The following ATP8A2 variants were observed in gnomAD, a reference collection of about 807,000 sequenced individuals.
ATP8A2 encodes ATPase phospholipid transporting 8A2.
In ATP8A2, 100 loss-of-function variants were observed where a neutral mutation model predicts 165.6. That is an observed-to-expected ratio of 0.60 (90% CI 0.51 to 0.71). The LOEUF is 0.71. Ranked by LOEUF, ATP8A2 falls within the 30% of genes least tolerant of loss-of-function variation. The probability of loss-of-function intolerance (pLI) is 0.00; values close to 1 mark genes in which losing one functional copy is unlikely to be tolerated. For synonymous variants in ATP8A2, 543 were observed against 548.8 expected, an observed-to-expected ratio of 0.99 and a Z score of 0.15; for missense variants, 1,227 against 1,479.5, an observed-to-expected ratio of 0.83 and a Z score of 2.80.
intron 25 of ATP8A2, among the ~76,000 whole-genome samples, chr13:25,717,886 G>C (rs903794091): frequency 6.6e-6 from 1 of 152,186 alleles, no homozygotes; most frequent in Non-Finnish European, 1.5e-5. Context: ...GAAGATTGAA[G>C]TTAACCTCGC....
chr13:25,786,754 G>GATTTTTTTTTTTTTTTTTTTTTT lies in ATP8A2; in HGVS notation c.2679+11795_2679+11796insATTTTTTTTTTTTTTTTTTTTTT, dbSNP rs58430501. Among the ~76,000 whole-genome samples, 2 of 134,644 alleles carry GATTTTTTTTTTTTTTTTTTTTTT rather than the reference G, an allele frequency of 1.5e-5. 1 individual carries two copies. The highest frequency in any genetic ancestry group is 3.1e-5 in the Non-Finnish European group (2 of 63,706). 88.3% of individuals were successfully genotyped at this position (134,644 alleles called of 152,430 possible). A position where few individuals can be genotyped will look rare whatever the true frequency, so the allele number is the denominator to read the frequency against. ...AACCCTTTTTAATGCACAATTCTAT[G>GATTTTTTTTTTTTTTTTTTTTTT]TTTTTTTTTTTTTTTTTTTGAGACA... On this transcript the variant is annotated intron_variant, in intron 27 of 36. Coordinates refer to ENST00000381655, the MANE Select transcript of ATP8A2 (RefSeq NM_016529.6).
intron 33 of ATP8A2, among the ~76,000 whole-genome samples, chr13:25,919,772 G>A (rs73472935): frequency 0.012 from 1,828 of 152,094 alleles, 41 homozygotes; most frequent in African/African-American, 0.041. Context: ...GTCAGTTTTG[G>A]GAGATTTTCT....
rs537266257 is a variant in ATP8A2, at chr13:25,798,821, A to C, written c.2679+23862A>C. On this transcript the variant is annotated intron_variant, in intron 27 of 36. Coordinates refer to ENST00000381655, the MANE Select transcript of ATP8A2 (RefSeq NM_016529.6). ...CAGTTAAATGATGCAGGGGAGGCAA[A>C]GCTTTACCTCTATCCTCTTAGGGTC... 2.6e-5 allele frequency among the ~76,000 whole-genome samples: 4 copies of C among 152,102 alleles called. No individual in the cohort carries two copies. In the South Asian group the frequency reaches 8.3e-4, roughly 32 times the overall value.
chr13:25,715,929 C>T (rs1388767774), intron 25 of ATP8A2, among the ~76,000 whole-genome samples: 1 of 152,140 alleles, frequency 6.6e-6, no homozygotes. Flanking sequence ...TACATTACAC[C>T]CCATACATTT....
intron 25 of ATP8A2, among the ~76,000 whole-genome samples, chr13:25,715,512 C>G (rs2043238207): frequency 6.6e-6 from 1 of 152,162 alleles, no homozygotes. Flanking sequence ...CTCCAGTTCC[C>G]CAGCCCAAGG....
intron 24 of ATP8A2, among the ~76,000 whole-genome samples, chr13:25,632,024 A>C (rs1020557628): frequency 5.9e-5 from 9 of 151,984 alleles, no homozygotes; most frequent in Non-Finnish European, 1.3e-4. Context: ...CCACCCCCTG[A>C]CACCCCCTCA....
At chr13:25,413,967 G>A (rs957987832) in intron 1 of ATP8A2, among the ~76,000 whole-genome samples, 2 of 151,952 alleles carry the variant, frequency 1.3e-5, no homozygotes, top group African/African-American at 4.8e-5. Flanking sequence ...CTTCATGAGG[G>A]CAGCGGAGTG....
chr13:25,789,783 CA>C (rs1355324279), intron 27 of ATP8A2, among the ~76,000 whole-genome samples: 1 of 152,110 alleles, frequency 6.6e-6, no homozygotes, highest in African/African-American at 2.4e-5. Context: ...CAATCCTAAG[CA>C]AAAAGAGCGA....
Position 25,770,908 on chromosome 13 carries a change from G to A in ATP8A2, c.2568+1679G>A, listed in dbSNP as rs189049880. Among the ~76,000 whole-genome samples the A allele has an allele frequency of 1.5e-4, 23 of 152,324 alleles. No homozygotes were observed. The East Asian group carries it at 4.2e-3, about 28-fold the overall frequency. On this transcript the variant is annotated intron_variant, in intron 26 of 36. Transcript: ENST00000381655. The stretch of plus-strand genomic sequence containing the variant: ...ACACCCCTTCAACCTGAAATCAGGT[G>A]CTGCATATAAAATGTGAAGGAGCTT...
chr13:25,537,837 T>G (rs1445459664), intron 6 of ATP8A2, 151 bp from the exon 7 acceptor site: 1 of 491,964 alleles, frequency 2.0e-6, no homozygotes, highest in Non-Finnish European at 3.7e-6. Flanking sequence ...CTTTTGTTCT[T>G]GTCAAGGAAA....
intron 30 of ATP8A2, among the ~76,000 whole-genome samples, chr13:25,851,734 AG>A (rs1952013730): frequency 6.6e-6 from 1 of 152,192 alleles, no homozygotes; most frequent in Non-Finnish European, 1.5e-5. Context: ...TTCTCTTCAT[AG>A]GTTAACATTC....
chr13:25,593,614 AGGATTGCCACTGGCATCCTCAATT>A lies in ATP8A2; in HGVS notation c.2211+3916_2211+3939del, dbSNP rs561810013. On this transcript the variant is annotated intron_variant, in intron 24 of 36. Transcript: ENST00000381655. ...AGATTAGCTTTATTGATAATACGTA[AGGATTGCCACTGGCATCCTCAATT>A]TTTTTTCCTGGCACACTGACCAGAA... is the stretch of plus-strand genomic sequence containing the variant. Among the ~76,000 whole-genome samples, 4 of 152,312 alleles carry A rather than the reference AGGATTGCCACTGGCATCCTCAATT, an allele frequency of 2.6e-5. No homozygotes were observed. In the South Asian group the frequency reaches 8.3e-4, roughly 32 times the overall value.
At chr13:25,621,381 C>G (rs1379208767) in intron 24 of ATP8A2, among the ~76,000 whole-genome samples, 3 of 152,132 alleles carry the variant, frequency 2.0e-5, no homozygotes, top group Non-Finnish European at 2.9e-5. Context: ...TTAATCTTTT[C>G]ATTTTTCTCT....
At chr13:25,985,587 G>C (rs1262086174) in intron 35 of ATP8A2, among the ~76,000 whole-genome samples, 1 of 152,212 alleles carries the variant, frequency 6.6e-6, no homozygotes, top group Non-Finnish European at 1.5e-5. Context: ...TGTCATCAGA[G>C]ACCCACCAGT....
chr13:25,768,192 G>T (rs1441528251), intron 25 of ATP8A2, among the ~76,000 whole-genome samples: 5 of 152,098 alleles, frequency 3.3e-5, no homozygotes, highest in Non-Finnish European at 7.4e-5. Context: ...TCAGTCCTGA[G>T]ATGCTAGTCT....
chr13:25,413,901 A>G (rs1008437392), intron 1 of ATP8A2, among the ~76,000 whole-genome samples: 1 of 152,056 alleles, frequency 6.6e-6, no homozygotes, highest in African/African-American at 2.4e-5. Context: ...GATGAGGTTT[A>G]TCATTTTTCC....
At chr13:25,868,113 G>A (rs148491534) in intron 33 of ATP8A2, 1 of 456,354 alleles carries the variant, frequency 2.2e-6, no homozygotes, top group Admixed American at 2.4e-5. Context: ...GCGGGTGTTG[G>A]GATGTTCCCT....
At chr13:25,815,979 G>C (rs1276194491) in intron 27 of ATP8A2, among the ~76,000 whole-genome samples, 1 of 152,170 alleles carries the variant, frequency 6.6e-6, no homozygotes, top group Non-Finnish European at 1.5e-5. Context: ...AGGGACTGTG[G>C]GGAGAGGAGA....
intron 33 of ATP8A2, among the ~76,000 whole-genome samples, chr13:25,959,128 GACCCTGTTT>G (rs1955598827): frequency 2.0e-5 from 3 of 152,340 alleles, no homozygotes; most frequent in African/African-American, 7.2e-5. Flanking sequence ...CCCCTCTGGA[GACCCTGTTT>G]ACCCTGCAGG....
Sources: gnomAD v4.1 joint callset for allele counts (sites outside exome capture counted in the v4.1 genomes callset) on GRCh38, gnomAD v4.1.1 for gene constraint, MANE v1.5 for transcripts, NCBI Gene and HGNC (gene_info 2026-07-23, HGNC 2026-07-21) for gene names.